The following MICAL3 variants were observed in gnomAD, a reference collection of about 807,000 sequenced individuals.
MICAL3 encodes the protein [F-actin]-monooxygenase MICAL3.
A neutral mutation model predicts 207.4 loss-of-function variants in MICAL3; 62 were observed. That is an observed-to-expected ratio of 0.30 (90% CI 0.24 to 0.37). The LOEUF (loss-of-function observed/expected upper bound fraction) is 0.37, where lower values mean the gene tolerates loss of function less well. MICAL3 is among the 10% of genes least tolerant of loss of function. The probability of loss-of-function intolerance (pLI) is 1.00; values close to 1 mark genes in which losing one functional copy is unlikely to be tolerated. For missense variants in MICAL3, 2,368 were observed against 2,635.6 expected (o/e 0.90, Z 2.22); for synonymous variants, 1,077 against 1,069.3 (o/e 1.01, Z -0.14).
At chr22:17,859,387 T>G (rs1326886454) in intron 19 of MICAL3, among the ~76,000 whole-genome samples, 1 of 152,226 alleles carries the variant, frequency 6.6e-6, no homozygotes, top group African/African-American at 2.4e-5. Context: ...CTTTGCCCAC[T>G]ACAGCACAGT....
At chr22:17,853,883 T>C (rs1925608832) in intron 19 of MICAL3, among the ~76,000 whole-genome samples, 1 of 152,160 alleles carries the variant, frequency 6.6e-6, no homozygotes, top group South Asian at 2.1e-4. Context: ...CACCCGCCCG[T>C]CCTATGGCAT....
At chr22:17,964,479 C>G (rs1935058449) in intron 1 of MICAL3, among the ~76,000 whole-genome samples, 1 of 152,224 alleles carries the variant, frequency 6.6e-6, no homozygotes, top group Non-Finnish European at 1.5e-5. Context: ...GCACACAGCA[C>G]ACGTCCACAT....
chr22:17,904,510 G>A, intron 3 of MICAL3, 122 bp downstream of exon 3: 1 of 769,746 alleles, frequency 1.3e-6, no homozygotes, highest in Non-Finnish European at 2.3e-6. Context: ...AAGAAAGACA[G>A]TAATGAGATT....
chr22:17,967,872 C>CTA (rs1432555744), intron 1 of MICAL3, among the ~76,000 whole-genome samples: 2 of 3,176 alleles, frequency 6.3e-4, no homozygotes, highest in East Asian at 0.062. Flanking sequence ...TGGTGAAACC[C>CTA]TGTCTACTAA....
Position 17,902,025 on chromosome 22 carries a change from T to A in MICAL3, c.590-46A>T. ...AATGGGGGTCACCACCCAGACCACA[T>A]TCACAGCCAGGACCATCTCTAGATA... On this transcript the variant is annotated intron_variant, in intron 4 of 31. Transcript: ENST00000441493. This position sits in a 1 kb window ranked among gnomAD's most constrained non-coding sequence, Gnocchi z 4.5. 7.2e-7 allele frequency: 1 copy of A among 1,397,272 alleles called. No homozygotes were observed. Among genetic ancestry groups the A allele is most frequent in the Non-Finnish European group, 1.0e-6 (1 of 998,642 alleles). 86.6% of individuals were successfully genotyped at this position (1,397,272 alleles called of 1,614,324 possible). A position where few individuals can be genotyped will look rare whatever the true frequency, so the allele number is the denominator to read the frequency against.
At chr22:17,977,050 A>G (rs996725514) in intron 1 of MICAL3, among the ~76,000 whole-genome samples, 4 of 151,720 alleles carry the variant, frequency 2.6e-5, no homozygotes, top group African/African-American at 4.8e-5. Context: ...TGATCCGCCC[A>G]CCTCCGCCTC....
At chr22:17,944,648 A>G (rs893634187) in intron 1 of MICAL3, among the ~76,000 whole-genome samples, 1 of 152,172 alleles carries the variant, frequency 6.6e-6, no homozygotes, top group Non-Finnish European at 1.5e-5. Flanking sequence ...TGACGATAGG[A>G]CTGTGGGGAC....
In MICAL3 at chr22:17,907,409, C is replaced by A. The variant is rs182850587; in HGVS notation, c.-74-523G>T. Among the ~76,000 whole-genome samples the A allele has an allele frequency of 9.7e-4, 148 of 152,314 alleles. 1 individual carries two copies. The Middle Eastern group carries it at 0.01, about 11-fold the overall frequency. On this transcript the variant is annotated intron_variant, in intron 1 of 31. Transcript: ENST00000441493. ...GCTTAGGCCCCGGATTAAACGGAGA[C>A]ATCAGGCCAATGGATTAAAAACAGA...
chr22:18,009,267 G>A (rs1250025255), intron 1 of MICAL3, among the ~76,000 whole-genome samples: 5 of 144,468 alleles, frequency 3.5e-5, no homozygotes, highest in Admixed American at 1.4e-4. Context: ...GGGAAACACG[G>A]CAAATTTTAT....
At position 17,826,495 on chromosome 22, in the gene MICAL3, C is replaced by T. The variant is rs551477958; in HGVS notation, c.3193+1149G>A. On this transcript the variant is annotated intron_variant, in intron 22 of 31. Transcript: ENST00000441493. ...CAGCCAGGCCTGCACCGCCGCGTGG[C>T]GTATGGAGGGAAGGTCGGGCACTGA... 7.1e-6 allele frequency: 7 copies of T among 985,922 alleles called. No individual in the cohort carries two copies. The South Asian group carries it at 2.3e-4, about 33-fold the overall frequency. The allele number at this position is 985,922 out of a possible 1,614,324, so 61.1% of individuals were successfully genotyped here.
Position 17,930,769 on chromosome 22 carries a change from G to A in MICAL3, c.-74-23883C>T, listed in dbSNP as rs1209246859. Among the ~76,000 whole-genome samples the A allele has an allele frequency of 3.3e-5, 5 of 152,234 alleles. No individual in the cohort carries two copies. The East Asian group carries it at 7.7e-4, about 23-fold the overall frequency. ...AGAATTGGCCACGCCAGGAAGTTCC[G>A]TAAAGCTTGGAAGGTGAACTGAAGC... On this transcript the variant is annotated intron_variant, in intron 1 of 31. Transcript: ENST00000441493.
chr22:17,858,140 G>A (rs932881799), intron 19 of MICAL3, among the ~76,000 whole-genome samples: 13 of 152,168 alleles, frequency 8.5e-5, no homozygotes, highest in South Asian at 2.1e-4. Context: ...ATCCCCTCCC[G>A]GGCAATGAAA....
At chr22:17,854,612 T>G (rs1925707538) in intron 19 of MICAL3, among the ~76,000 whole-genome samples, 1 of 152,258 alleles carries the variant, frequency 6.6e-6, no homozygotes, top group East Asian at 1.9e-4. Flanking sequence ...TGCCACTCGC[T>G]GAGCACCTGC....
At chr22:17,972,882 T>C (rs1451993707) in intron 1 of MICAL3, among the ~76,000 whole-genome samples, 1 of 152,236 alleles carries the variant, frequency 6.6e-6, no homozygotes, top group African/African-American at 2.4e-5. Context: ...TCAGCTTAAG[T>C]AGCCTTTGGC....
At chr22:18,004,281 T>C (rs1342133399) in intron 1 of MICAL3, 1 of 152,146 alleles carries the variant, frequency 6.6e-6, no homozygotes, top group Non-Finnish European at 1.5e-5. Context: ...TTTCTTTTTC[T>C]TTTGAGACTG....
rs774654527 is a variant in MICAL3, at chr22:17,790,589, G to A, written c.*143C>T. The A allele has an allele frequency of 7.9e-6, 6 of 761,336 alleles. No homozygotes were observed. The highest frequency in any genetic ancestry group is 1.9e-5 in the South Asian group (1 of 53,618). The allele number at this position is 761,336 out of a possible 1,614,324, so 47.2% of individuals were successfully genotyped here. ...GGGCTCCCCACTGCACGCGGGACTC[G>A]ACCACTTTCCAAGCAGCACACGGGC... On this transcript the variant is annotated 3_prime_UTR_variant, in exon 32 of 32. Coordinates refer to ENST00000441493, the MANE Select transcript of MICAL3 (RefSeq NM_015241.3).
chr22:17,826,553 A>G (rs775739494), intron 22 of MICAL3: 38 of 963,592 alleles, frequency 3.9e-5, no homozygotes, highest in Admixed American at 6.2e-5. Context: ...AAAGTTACAC[A>G]GCAATATGCG....
At chr22:17,971,483 A>G (rs769338017) in intron 1 of MICAL3, among the ~76,000 whole-genome samples, 1 of 152,160 alleles carries the variant, frequency 6.6e-6, no homozygotes, top group Non-Finnish European at 1.5e-5. Context: ...CCATGTCAAA[A>G]CAAACAAACA....
chr22:17,806,220 C>T (rs1266985618), intron 29 of MICAL3, among the ~76,000 whole-genome samples: 4 of 152,166 alleles, frequency 2.6e-5, no homozygotes, highest in Non-Finnish European at 5.9e-5. Context: ...TAAATTCTGG[C>T]CTGCAGCATA....
Sources: gnomAD v4.1 joint callset for allele counts (sites outside exome capture counted in the v4.1 genomes callset) on GRCh38, gnomAD v4.1.1 for gene constraint, Gnocchi (gnomAD v3.1) non-coding constraint, MANE v1.5 for transcripts, NCBI Gene and HGNC (gene_info 2026-07-23, HGNC 2026-07-21) for gene names.